The following HOTAIR variants were observed in gnomAD, a reference collection of about 807,000 sequenced individuals.
The protein encoded by HOTAIR is HOX transcript antisense RNA.
chr12:53,968,565 G>A (rs1939094213), intron 2 of HOTAIR: 1 of 152,324 alleles, frequency 6.6e-6, no homozygotes, highest in South Asian at 2.1e-4. Context: ...TAAATCCTGA[G>A]CAGAAGGCAC....
At chr12:53,972,348 G>A (rs1263832573) in intron 1 of HOTAIR, among the ~76,000 whole-genome samples, 1 of 152,206 alleles carries the variant, frequency 6.6e-6, no homozygotes. Flanking sequence ...TTCACCCAGG[G>A]CCACTCTCTC....
At position 53,973,491 on chromosome 12, in the gene HOTAIR, C is replaced by T; in HGVS notation, n.59+1407G>A. 6.2e-7 allele frequency: 1 copy of T among 1,614,128 alleles called. No homozygotes were observed. Among genetic ancestry groups the T allele is most frequent in the Non-Finnish European group, 8.5e-7 (1 of 1,180,036 alleles). On this transcript the variant is annotated intron_variant and non_coding_transcript_variant, in intron 1 of 6. Coordinates refer to ENST00000424518, the Ensembl canonical transcript of HOTAIR. The surrounding 1 kb of genome is among the most constrained non-coding windows in gnomAD (Gnocchi z 4.3). ...CGGCCTGGAGCCATCCGGCAAGTGG[C>T]ACCATCGGAACAGCTACTCCTCCTG...
intron 1 of HOTAIR, among the ~76,000 whole-genome samples, chr12:53,974,096 T>A (rs1176850893): frequency 2.0e-5 from 3 of 149,154 alleles, no homozygotes; most frequent in African/African-American, 7.3e-5. Context: ...TACAAAGCCC[T>A]CTCTCCCAAC....
At chr12:53,968,938 CG>C (rs1733539875) in intron 1 of HOTAIR, 1 of 151,900 alleles carries the variant, frequency 6.6e-6, no homozygotes, top group Non-Finnish European at 1.5e-5. Context: ...TTTGCATTTT[CG>C]ACCCAGGCAT....
chr12:53,969,796 A>C (rs1232736418), intron 1 of HOTAIR, among the ~76,000 whole-genome samples: 1 of 152,190 alleles, frequency 6.6e-6, no homozygotes, highest in African/African-American at 2.4e-5. Flanking sequence ...CCACTGGAGC[A>C]TATGTGGGCC....
intron 1 of HOTAIR, among the ~76,000 whole-genome samples, chr12:53,974,431 C>G (rs1939212056): frequency 6.6e-6 from 1 of 152,156 alleles, no homozygotes; most frequent in Middle Eastern, 3.4e-3. Flanking sequence ...GAGAGGCAAG[C>G]CAGGACCGCT....
intron 1 of HOTAIR, chr12:53,974,834 G>T: frequency 9.1e-6 from 2 of 220,216 alleles, no homozygotes; most frequent in East Asian, 1.0e-4. Flanking sequence ...CTAGGAGGGC[G>T]GCCCAGGAAG....
In HOTAIR at chr12:53,973,089, T is replaced by A. The variant is rs1240604362; in HGVS notation, n.59+1809A>T. On this transcript the variant is annotated intron_variant and non_coding_transcript_variant, in intron 1 of 6. Coordinates refer to ENST00000424518, the Ensembl canonical transcript of HOTAIR. This position sits in a 1 kb window ranked among gnomAD's most constrained non-coding sequence, Gnocchi z 4.3. ...AACCCCTCCTACGTCTGCGAAGTGCTCCGAACTGATATATGACAATATCTA... is the reference window on the plus strand; with the variant it reads ...AACCCCTCCTACGTCTGCGAAGTGCACCGAACTGATATATGACAATATCTA... 4 of 606,660 alleles carry A rather than the reference T, an allele frequency of 6.6e-6. No homozygotes were observed. In the Admixed American group the frequency reaches 1.3e-4, roughly 20 times the overall value. 37.6% of individuals were successfully genotyped at this position (606,660 alleles called of 1,614,324 possible). A position where few individuals can be genotyped will look rare whatever the true frequency, so the allele number is the denominator to read the frequency against.
At chr12:53,966,932 G>A (rs866813033) in intron 3 of HOTAIR, among the ~76,000 whole-genome samples, 73 of 152,232 alleles carry the variant, frequency 4.8e-4, no homozygotes, top group African/African-American at 1.7e-3. Flanking sequence ...CCCGAACTGA[G>A]ATCCTTGATC....
At chr12:53,970,447 G>C (rs1399278874) in intron 1 of HOTAIR, among the ~76,000 whole-genome samples, 1 of 152,244 alleles carries the variant, frequency 6.6e-6, no homozygotes, top group Admixed American at 6.5e-5. Flanking sequence ...ATTTTTGCCA[G>C]TAAATGTCTA....
intron 1 of HOTAIR, among the ~76,000 whole-genome samples, chr12:53,969,826 T>G (rs572099068): frequency 6.6e-6 from 1 of 152,184 alleles, no homozygotes; most frequent in East Asian, 1.9e-4. Context: ...CTTTCAGCAT[T>G]TTCCTCCCCA....
intron 1 of HOTAIR, among the ~76,000 whole-genome samples, chr12:53,970,362 G>C (rs1188342932): frequency 6.6e-6 from 1 of 152,188 alleles, no homozygotes; most frequent in Non-Finnish European, 1.5e-5. Context: ...TGCAGCCTAG[G>C]GCAAACATCT....
In HOTAIR at chr12:53,972,243, C is replaced by T. The variant is rs1267082153; in HGVS notation, n.59+2655G>A. 3.3e-5 allele frequency among the ~76,000 whole-genome samples: 5 copies of T among 152,254 alleles called. No homozygotes were observed. The South Asian group carries it at 8.3e-4, about 25-fold the overall frequency. ...CCTGACATAGAAGATACATGGCTCT[C>T]ATTCCAATCCTTTTCTTTGGGGTTT... is the stretch of plus-strand genomic sequence containing the variant. On this transcript the variant is annotated intron_variant and non_coding_transcript_variant, in intron 1 of 6. Coordinates refer to ENST00000424518, the Ensembl canonical transcript of HOTAIR.
Position 53,973,466 on chromosome 12 carries a change from C to T in HOTAIR, n.59+1432G>A, listed in dbSNP as rs779994792. On this transcript the variant is annotated intron_variant and non_coding_transcript_variant, in intron 1 of 6. Coordinates refer to ENST00000424518, the Ensembl canonical transcript of HOTAIR. This position sits in a 1 kb window ranked among gnomAD's most constrained non-coding sequence, Gnocchi z 4.3. ...TGCCCCCGGTCCGGGAGGTCTCCTA[C>T]GGCCTGGAGCCATCCGGCAAGTGGC... 45 of 1,614,190 alleles carry T rather than the reference C, an allele frequency of 2.8e-5. No individual in the cohort carries two copies. In the Admixed American group the frequency reaches 7.0e-4, roughly 25 times the overall value.
Position 53,973,166 on chromosome 12 carries a change from C to T in HOTAIR, n.59+1732G>A, listed in dbSNP as rs1470627678. The T allele has an allele frequency of 1.7e-6, 2 of 1,155,224 alleles. No individual in the cohort carries two copies. Among genetic ancestry groups the T allele is most frequent in the African/African-American group, 3.1e-5 (2 of 64,730 alleles). The allele number at this position is 1,155,224 out of a possible 1,614,324, so 71.6% of individuals were successfully genotyped here. ...GAGACTAAGACGGATAACGCGTCAT[C>T]TCGCCTTCCCAAATTTTCCCCCCTC... On this transcript the variant is annotated intron_variant and non_coding_transcript_variant, in intron 1 of 6. Transcript: ENST00000424518. The surrounding 1 kb of genome is among the most constrained non-coding windows in gnomAD (Gnocchi z 4.3).
chr12:53,972,418 C>A (rs1314043467), intron 1 of HOTAIR, among the ~76,000 whole-genome samples: 1 of 152,252 alleles, frequency 6.6e-6, no homozygotes, highest in African/African-American at 2.4e-5. Context: ...CAGGCACCGG[C>A]TGGGCGGCTG....
intron 3 of HOTAIR, chr12:53,966,659 C>T (rs1185805622): frequency 2.0e-5 from 3 of 152,252 alleles, no homozygotes; most frequent in South Asian, 2.1e-4. Flanking sequence ...GGAAGCAAAG[C>T]GCATAAGGGC....
Position 53,973,495 on chromosome 12 carries a change from A to T in HOTAIR, n.59+1403T>A. 6.2e-7 allele frequency: 1 copy of T among 1,613,910 alleles called. No individual in the cohort carries two copies. Among genetic ancestry groups the T allele is most frequent in the South Asian group, 1.1e-5 (1 of 91,058 alleles). On this transcript the variant is annotated intron_variant and non_coding_transcript_variant, in intron 1 of 6. Coordinates refer to ENST00000424518, the Ensembl canonical transcript of HOTAIR. This position sits in a 1 kb window ranked among gnomAD's most constrained non-coding sequence, Gnocchi z 4.3. ...CTGGAGCCATCCGGCAAGTGGCACC[A>T]TCGGAACAGCTACTCCTCCTGCTAT...
chr12:53,970,216 G>A lies in HOTAIR; in HGVS notation n.60-1460C>T, dbSNP rs115789787. ...AGGCCAGGACTCAAAGCAGATGGAG[G>A]GGTCACAGGCACCCACCAGATAAGA... is the stretch of plus-strand genomic sequence containing the variant. On this transcript the variant is annotated intron_variant and non_coding_transcript_variant, in intron 1 of 6. Transcript: ENST00000424518. Among the ~76,000 whole-genome samples, 1,097 of 152,350 alleles carry A rather than the reference G, an allele frequency of 7.2e-3. 14 individuals carry two copies. The highest frequency in any genetic ancestry group is 0.025 in the African/African-American group (1,042 of 41,572).
Sources: allele counts gnomAD v4.1 joint callset (sites outside exome capture counted in the v4.1 genomes callset), GRCh38; gene constraint gnomAD v4.1.1; non-coding constraint Gnocchi (gnomAD v3.1); transcripts MANE v1.5; gene names NCBI Gene and HGNC (gene_info 2026-07-23, HGNC 2026-07-21).